COL5A1: variants seen among roughly 807,000 people sequenced by gnomAD.
COL5A1 encodes collagen type V alpha 1 chain, also known as collagen alpha-1(V) chain.
In COL5A1, 16 loss-of-function variants were observed where a neutral mutation model predicts 263.7. The observed-to-expected ratio is 0.06, with a 90% CI of 0.04 to 0.09. The LOEUF is 0.09. Ranked by LOEUF, COL5A1 falls within the 10% of genes least tolerant of loss-of-function variation. The pLI, the probability that COL5A1 is intolerant of heterozygous loss-of-function variation, is 1.00. For missense variants in COL5A1, 2,036 were observed against 2,540.5 expected, an observed-to-expected ratio of 0.80 and a Z score of 4.27; for synonymous variants, 1,012 against 1,004.5, an observed-to-expected ratio of 1.01 and a Z score of -0.14.
chr9:134,776,399 G>T (rs550602750), intron 27 of COL5A1, among the ~76,000 whole-genome samples: 35 of 152,346 alleles, frequency 2.3e-4, no homozygotes, highest in African/African-American at 8.2e-4. Flanking sequence ...TATGGAGAAT[G>T]CTCTTATCTT....
chr9:134,817,905 A>G, intron 54 of COL5A1, 74 bp downstream of exon 54: 1 of 1,433,602 alleles, frequency 7.0e-7, no homozygotes, highest in Non-Finnish European at 9.6e-7. Context: ...GGAGTGGACA[A>G]GCGTGTGGGC....
chr9:134,656,282 C>G (rs574541978), intron 1 of COL5A1, among the ~76,000 whole-genome samples: 1 of 152,328 alleles, frequency 6.6e-6, no homozygotes, highest in South Asian at 2.1e-4. Context: ...GTGCCTCCCT[C>G]CAGCCCTCTG....
chr9:134,711,323 G>A (rs996032543), intron 4 of COL5A1, among the ~76,000 whole-genome samples: 3 of 152,202 alleles, frequency 2.0e-5, no homozygotes, highest in East Asian at 3.9e-4. Flanking sequence ...GGGTGCTGTC[G>A]TATAGACCGT....
In COL5A1 at chr9:134,776,566, G is replaced by A. The variant is rs191013037; in HGVS notation, c.2385+1654G>A. Among the ~76,000 whole-genome samples, 8 of 152,328 alleles carry A rather than the reference G, an allele frequency of 5.3e-5. No individual in the cohort carries two copies. The East Asian group carries it at 1.5e-3, about 29-fold the overall frequency. On this transcript the variant is annotated intron_variant, in intron 27 of 65. Transcript: ENST00000371817. ...AATGTGAGTGGTGTCGGCGCCTCAC[G>A]AGTTTGGCCCGGGTGGCAGTGATGG...
At chr9:134,645,861 C>G (rs1285775090) in intron 1 of COL5A1, among the ~76,000 whole-genome samples, 1 of 152,222 alleles carries the variant, frequency 6.6e-6, no homozygotes, top group East Asian at 1.9e-4. Flanking sequence ...GCCTGGGGGC[C>G]CAGTCCAAAC....
chr9:134,674,061 T>C (rs150040584), intron 1 of COL5A1, among the ~76,000 whole-genome samples: 27 of 152,336 alleles, frequency 1.8e-4, no homozygotes, highest in African/African-American at 6.3e-4. Context: ...TCACCCATTC[T>C]TGGTGGGGAT....
chr9:134,796,309 G>A, intron 34 of COL5A1, 65 bp from the exon 35 acceptor site: 2 of 1,553,072 alleles, frequency 1.3e-6, no homozygotes, highest in Non-Finnish European at 1.8e-6. Context: ...GACGTTGTGG[G>A]CCAGAGTCTT....
intron 5 of COL5A1, among the ~76,000 whole-genome samples, chr9:134,728,046 A>C (rs1834725213): frequency 1.3e-5 from 2 of 152,216 alleles, no homozygotes; most frequent in South Asian, 4.1e-4. Context: ...AATCCTGTTT[A>C]TTTCTCCTTG....
intron 18 of COL5A1, among the ~76,000 whole-genome samples, chr9:134,760,297 A>C (rs1366567654): frequency 1.5e-3 from 68 of 46,700 alleles, no homozygotes; most frequent in South Asian, 1.8e-3. Flanking sequence ...ACACCCCCAC[A>C]CCCCCCACAC....
chr9:134,681,089 C>T lies in COL5A1; in HGVS notation c.110-9823C>T, dbSNP rs370120960. On this transcript the variant is annotated intron_variant, in intron 1 of 65. Transcript: ENST00000371817. The surrounding 1 kb of genome is among the most constrained non-coding windows in gnomAD (Gnocchi z 4.3). Reference sequence around the variant, plus strand: ...TTAGTCATTGAGGAAGAATTTCAGTCGCAGCCTCCAGAGCGCCTCTGTTTT... The same window carrying T: ...TTAGTCATTGAGGAAGAATTTCAGTTGCAGCCTCCAGAGCGCCTCTGTTTT... Among the ~76,000 whole-genome samples, 6 of 152,162 alleles carry T rather than the reference C, an allele frequency of 3.9e-5. No homozygotes were observed. Among genetic ancestry groups the T allele is most frequent in the East Asian group, 3.9e-4 (2 of 5,176 alleles).
In COL5A1 at chr9:134,773,239, T is replaced by C. The variant is rs2132743661; in HGVS notation, c.2331+405T>C. 2.6e-5 allele frequency among the ~76,000 whole-genome samples: 4 copies of C among 152,320 alleles called. No individual in the cohort carries two copies. In the Middle Eastern group the frequency reaches 0.014, roughly 518 times the overall value. On this transcript the variant is annotated intron_variant, in intron 26 of 65. Coordinates refer to ENST00000371817, the MANE Select transcript of COL5A1 (RefSeq NM_000093.5). ...TACCAGGTCACGCCGGTGCCAGGGATGGAGTCTTTCTATGGATGACTGTGT... is the reference window on the plus strand; with the variant it reads ...TACCAGGTCACGCCGGTGCCAGGGACGGAGTCTTTCTATGGATGACTGTGT...
At chr9:134,756,279 C>T (rs1430254407) in intron 16 of COL5A1, among the ~76,000 whole-genome samples, 1 of 152,236 alleles carries the variant, frequency 6.6e-6, no homozygotes, top group Non-Finnish European at 1.5e-5. Flanking sequence ...CTGGGCCTCA[C>T]TTGGGGCCTG....
At chr9:134,824,961 G>T in intron 62 of COL5A1, 106 bp downstream of exon 62, 1 of 1,439,278 alleles carries the variant, frequency 6.9e-7, no homozygotes, top group African/African-American at 1.4e-5. Context: ...GAAGGGACAG[G>T]ACGGGCAGCC....
chr9:134,686,850 G>A lies in COL5A1; in HGVS notation c.110-4062G>A, dbSNP rs757062138. Among the ~76,000 whole-genome samples the A allele has an allele frequency of 4.6e-5, 7 of 152,328 alleles. No individual in the cohort carries two copies. The highest frequency in any genetic ancestry group is 2.1e-4 in the South Asian group (1 of 4,828). ...TTGTAGTTTAAAGATTCTGATGCCC[G>A]TGGCCTTGTGCTGGGCCCATGTCCC... On this transcript the variant is annotated intron_variant, in intron 1 of 65. Coordinates refer to ENST00000371817, the MANE Select transcript of COL5A1 (RefSeq NM_000093.5). The surrounding 1 kb of genome is among the most constrained non-coding windows in gnomAD (Gnocchi z 4.6).
intron 1 of COL5A1, among the ~76,000 whole-genome samples, chr9:134,665,025 C>G (rs959851721): frequency 6.6e-6 from 1 of 152,174 alleles, no homozygotes; most frequent in African/African-American, 2.4e-5. Flanking sequence ...ATGGTGGAAC[C>G]CTGTCTCTGC....
intron 26 of COL5A1, among the ~76,000 whole-genome samples, chr9:134,774,217 C>T (rs1219644961): frequency 3.3e-5 from 5 of 152,258 alleles, no homozygotes; most frequent in South Asian, 2.1e-4. Flanking sequence ...AGACCGGGCC[C>T]GGGCCTCAGA....
chr9:134,699,852 C>T (rs1315034243), intron 2 of COL5A1, 57 bp from the exon 3 acceptor site: 20 of 1,547,076 alleles, frequency 1.3e-5, no homozygotes, highest in East Asian at 6.7e-5. Context: ...AGAGCCATGG[C>T]TGGGTGTGGT....
chr9:134,814,826 C>A lies in COL5A1; in HGVS notation c.3936C>A (p.Gly1312=), dbSNP rs367804791. The A allele has an allele frequency of 2.1e-5, 33 of 1,552,084 alleles. No homozygotes were observed. Among genetic ancestry groups the A allele is most frequent in the Admixed American group, 7.8e-5 (4 of 51,158 alleles). ...PGPKGERGEK[G]ESGPSGAAGP... ...CCAAAGGAGAAAGGGGAGAGAAGGG[C>A]GAGTCAGGCCCTTCAGGTGCTGCCG... The change falls in exon 50 of 66, where the codon GGC becomes GGA. Residue 1312 remains glycine (G), a synonymous_variant. Transcript: ENST00000371817.
intron 9 of COL5A1, among the ~76,000 whole-genome samples, chr9:134,734,798 C>T (rs997711147): frequency 4.6e-5 from 7 of 152,252 alleles, no homozygotes; most frequent in African/African-American, 1.4e-4. Flanking sequence ...AAATCACCAT[C>T]TCCACTTGAC....
Sources: gnomAD v4.1 joint callset for allele counts (sites outside exome capture counted in the v4.1 genomes callset) on GRCh38, gnomAD v4.1.1 for gene constraint, Gnocchi (gnomAD v3.1) non-coding constraint, MANE v1.5 for transcripts, NCBI Gene and HGNC (gene_info 2026-07-23, HGNC 2026-07-21) for gene names.